The following DCC variants were observed in gnomAD, a reference collection of about 807,000 sequenced individuals.
DCC encodes the protein DCC netrin 1 receptor, also known as netrin receptor DCC.
A neutral mutation model predicts 172.5 loss-of-function variants in DCC; 58 were observed. That is an observed-to-expected ratio of 0.34 (90% CI 0.27 to 0.42). The LOEUF is 0.42. Among genes scored for constraint, DCC ranks in the 10% least tolerant of loss-of-function variants. The probability of loss-of-function intolerance (pLI) is 1.00; values close to 1 mark genes in which losing one functional copy is unlikely to be tolerated. For missense variants in DCC, 1,740 were observed against 1,791.0 expected (o/e 0.97, Z 0.51); for synonymous variants, 709 against 644.5 (o/e 1.10, Z -1.52).
At chr18:53,507,145 C>T (rs1437509914) in intron 27 of DCC, among the ~76,000 whole-genome samples, 1 of 151,156 alleles carries the variant, frequency 6.6e-6, no homozygotes, top group Non-Finnish European at 1.5e-5. Context: ...TTTTGAGACT[C>T]ATGGTATACA....
intron 1 of DCC, among the ~76,000 whole-genome samples, chr18:52,644,060 A>C (rs1221180058): frequency 6.6e-6 from 1 of 152,172 alleles, no homozygotes; most frequent in African/African-American, 2.4e-5. Flanking sequence ...TAAGGAATTA[A>C]GTCATAATGA....
chr18:53,022,121 A>T (rs2041889784), intron 5 of DCC, among the ~76,000 whole-genome samples: 1 of 152,222 alleles, frequency 6.6e-6, no homozygotes, highest in South Asian at 2.1e-4. Context: ...TCTATATTAT[A>T]ATGTATATGT....
intron 11 of DCC, among the ~76,000 whole-genome samples, chr18:53,208,297 A>G (rs2055688637): frequency 6.6e-6 from 1 of 151,594 alleles, no homozygotes; most frequent in South Asian, 2.1e-4. Flanking sequence ...ATATATATGT[A>G]TATATGTATA....
intron 25 of DCC, among the ~76,000 whole-genome samples, chr18:53,480,041 T>G (rs2045813318): frequency 6.6e-6 from 1 of 152,188 alleles, no homozygotes; most frequent in South Asian, 2.1e-4. Flanking sequence ...AGTCTATATC[T>G]TTCCTATGGC....
rs559765144 is a variant in DCC, at chr18:52,860,314, C to A, written c.413-45730C>A. ...AAGTTGCTCCGGTGATTTCTCCCAACATTTATATCAAGTTGTGTAGCTTCA... is the reference window on the plus strand; with the variant it reads ...AAGTTGCTCCGGTGATTTCTCCCAAAATTTATATCAAGTTGTGTAGCTTCA... On this transcript the variant is annotated intron_variant, in intron 2 of 28. Transcript: ENST00000442544. Among the ~76,000 whole-genome samples, 13 of 152,332 alleles carry A rather than the reference C, an allele frequency of 8.5e-5. No homozygotes were observed. In the South Asian group the frequency reaches 2.3e-3, roughly 27 times the overall value.
chr18:53,087,196 G>A (rs1334306751), intron 7 of DCC, among the ~76,000 whole-genome samples: 1 of 152,094 alleles, frequency 6.6e-6, no homozygotes, highest in African/African-American at 2.4e-5. Flanking sequence ...CACCATGGTT[G>A]AACTAGTTTA....
chr18:52,525,082 CAT>C lies in DCC; in HGVS notation c.91+184213_91+184214del, dbSNP rs561642211. ...TGTAAGAATAAAGTTAAATTATCCT[CAT>C]ATATATATCCTTACCATTCTCTCGT... On this transcript the variant is annotated intron_variant, in intron 1 of 28. Transcript: ENST00000442544. 3.3e-5 allele frequency among the ~76,000 whole-genome samples: 5 copies of C among 151,926 alleles called. No individual in the cohort carries two copies. In the South Asian group the frequency reaches 6.2e-4, roughly 19 times the overall value.
At chr18:52,466,423 A>T (rs1472958814) in intron 1 of DCC, among the ~76,000 whole-genome samples, 1 of 152,156 alleles carries the variant, frequency 6.6e-6, no homozygotes, top group African/African-American at 2.4e-5. Flanking sequence ...ATTTAGCCTT[A>T]TAGGGGCCTC....
chr18:52,664,478 T>TC (rs2035425961), intron 1 of DCC, among the ~76,000 whole-genome samples: 1 of 138,676 alleles, frequency 7.2e-6, no homozygotes, highest in African/African-American at 2.7e-5. Flanking sequence ...TTCTTTTTCT[T>TC]TTTTTTTTTT....
At chr18:52,827,760 TGTG>T (rs2038538001) in intron 2 of DCC, among the ~76,000 whole-genome samples, 1 of 152,208 alleles carries the variant, frequency 6.6e-6, no homozygotes, top group Non-Finnish European at 1.5e-5. Flanking sequence ...TTAGTCTTTA[TGTG>T]ACTTGATTTT....
intron 13 of DCC, among the ~76,000 whole-genome samples, chr18:53,311,376 G>T (rs1449954357): frequency 6.6e-6 from 1 of 152,124 alleles, no homozygotes; most frequent in Non-Finnish European, 1.5e-5. Flanking sequence ...GCTCTCCTTG[G>T]CCTCCCAAAG....
At chr18:53,125,400 G>A (rs1196248609) in intron 7 of DCC, among the ~76,000 whole-genome samples, 1 of 152,040 alleles carries the variant, frequency 6.6e-6, no homozygotes, top group Non-Finnish European at 1.5e-5. Flanking sequence ...CTCTGACACT[G>A]CCAAGTATGA....
chr18:52,489,602 G>A (rs1392756466), intron 1 of DCC, among the ~76,000 whole-genome samples: 1 of 152,076 alleles, frequency 6.6e-6, no homozygotes, highest in African/African-American at 2.4e-5. Flanking sequence ...TCTACTCACT[G>A]CTGCCAGGAG....
intron 7 of DCC, among the ~76,000 whole-genome samples, chr18:53,090,577 C>A (rs1298796704): frequency 6.6e-6 from 1 of 150,622 alleles, no homozygotes; most frequent in Non-Finnish European, 1.5e-5. Context: ...ACCTGTGGTC[C>A]CAGCCACTCG....
intron 7 of DCC, among the ~76,000 whole-genome samples, chr18:53,148,936 T>C (rs1409559611): frequency 1.4e-5 from 2 of 146,590 alleles, no homozygotes; most frequent in Non-Finnish European, 3.0e-5. Context: ...TGATCTCGGC[T>C]CACTGCAACC....
At chr18:52,592,416 G>A (rs1472639460) in intron 1 of DCC, among the ~76,000 whole-genome samples, 2 of 152,146 alleles carry the variant, frequency 1.3e-5, no homozygotes, top group Non-Finnish European at 2.9e-5. Context: ...TCACCCAGGT[G>A]AGCCATGCAG....
intron 1 of DCC, among the ~76,000 whole-genome samples, chr18:52,686,037 G>C (rs997471709): frequency 2.6e-5 from 4 of 152,150 alleles, no homozygotes; most frequent in Non-Finnish European, 4.4e-5. Context: ...ACAGTCTACT[G>C]TGACCTACAC....
chr18:52,474,261 C>A (rs1228490), intron 1 of DCC, among the ~76,000 whole-genome samples: 2 of 146,362 alleles, frequency 1.4e-5, no homozygotes. Flanking sequence ...AGAAGCAATT[C>A]ATACACCATT....
chr18:53,365,358 A>G (rs1173483100), intron 15 of DCC, among the ~76,000 whole-genome samples: 1 of 150,978 alleles, frequency 6.6e-6, no homozygotes, highest in Non-Finnish European at 1.5e-5. Flanking sequence ...AGTCTTTGCT[A>G]TTGTGCACAG....
Sources: gnomAD v4.1 joint callset for allele counts (sites outside exome capture counted in the v4.1 genomes callset) on GRCh38, gnomAD v4.1.1 for gene constraint, MANE v1.5 for transcripts, NCBI Gene and HGNC (gene_info 2026-07-23, HGNC 2026-07-21) for gene names.